The following FRY variants were observed in gnomAD, a reference collection of about 807,000 sequenced individuals.
FRY encodes FRY microtubule binding protein, also known as protein furry homolog.
A neutral mutation model predicts 348.4 loss-of-function variants in FRY; 128 were observed. The observed-to-expected ratio is 0.37, with a 90% CI of 0.32 to 0.43. FRY has a LOEUF of 0.43. Ranked by LOEUF, FRY falls within the 20% of genes least tolerant of loss-of-function variation. The pLI, the probability that FRY is intolerant of heterozygous loss-of-function variation, is 1.00. For synonymous variants in FRY, 1,370 were observed against 1,374.7 expected, an observed-to-expected ratio of 1.00 and a Z score of 0.08; for missense variants, 2,736 against 3,695.2, an observed-to-expected ratio of 0.74 and a Z score of 6.73.
At chr13:32,065,697 C>G (rs1406412355) in intron 1 of FRY, among the ~76,000 whole-genome samples, 1 of 152,056 alleles carries the variant, frequency 6.6e-6, no homozygotes, top group Non-Finnish European at 1.5e-5. Flanking sequence ...AATTCCTGGG[C>G]TCAAGCGATC....
intron 34 of FRY, among the ~76,000 whole-genome samples, chr13:32,211,498 G>A (rs1884684740): frequency 6.6e-6 from 1 of 152,076 alleles, no homozygotes; most frequent in South Asian, 2.1e-4. Context: ...GGATCATAGG[G>A]TTAATGAAAT....
chr13:32,212,788 A>T (rs78177879), intron 35 of FRY, among the ~76,000 whole-genome samples: 4,108 of 152,300 alleles, frequency 0.027, 70 homozygotes, highest in Non-Finnish European at 0.034. Context: ...CATGATTATT[A>T]TTATTTTACT....
intron 3 of FRY, among the ~76,000 whole-genome samples, chr13:32,110,440 G>T (rs925248907): frequency 6.6e-6 from 1 of 152,098 alleles, no homozygotes; most frequent in African/African-American, 2.4e-5. Flanking sequence ...CGTGATGAGC[G>T]TGGGCCTGGG....
At chr13:32,058,688 T>C (rs1873771886) in intron 1 of FRY, among the ~76,000 whole-genome samples, 1 of 152,178 alleles carries the variant, frequency 6.6e-6, no homozygotes, top group South Asian at 2.1e-4. Context: ...GAACATGGGC[T>C]TCAAGTGGGG....
intron 34 of FRY, among the ~76,000 whole-genome samples, 169 bp downstream of exon 34, chr13:32,211,203 C>T (rs2073994): frequency 0.22 from 33,363 of 152,228 alleles, 4,306 homozygotes; most frequent in East Asian, 0.54. Flanking sequence ...GGCGTGGTGA[C>T]TCACGCCTGT....
At chr13:32,155,450 T>C (rs1236471926) in intron 14 of FRY, 41 bp from the exon 15 acceptor site, 3 of 1,444,908 alleles carry the variant, frequency 2.1e-6, no homozygotes, top group African/African-American at 1.4e-5. Context: ...ACTACAATAA[T>C]TGGGCCTTTC....
At chr13:32,110,099 A>G (rs977368613) in intron 3 of FRY, among the ~76,000 whole-genome samples, 2 of 152,206 alleles carry the variant, frequency 1.3e-5, no homozygotes, top group Admixed American at 1.3e-4. Context: ...ATGGCTATTC[A>G]TGGATGTGTA....
chr13:32,227,439 A>G (rs1796804288), intron 39 of FRY, among the ~76,000 whole-genome samples: 2 of 152,190 alleles, frequency 1.3e-5, no homozygotes, highest in Non-Finnish European at 2.9e-5. Context: ...CTTCTAATTC[A>G]GTATATCTAT....
chr13:32,126,810 G>A (rs1879050423), intron 7 of FRY, among the ~76,000 whole-genome samples: 1 of 152,178 alleles, frequency 6.6e-6, no homozygotes, highest in Non-Finnish European at 1.5e-5. Flanking sequence ...TTCCCAGGGT[G>A]GGAGAAAGAA....
At chr13:32,290,837 A>G (rs1889305316) in intron 59 of FRY, among the ~76,000 whole-genome samples, 1 of 152,040 alleles carries the variant, frequency 6.6e-6, no homozygotes, top group Non-Finnish European at 1.5e-5. Context: ...AAGGAGAAAG[A>G]AGAGTTGAGG....
chr13:32,084,157 C>T (rs1875698094), intron 2 of FRY, among the ~76,000 whole-genome samples: 1 of 152,136 alleles, frequency 6.6e-6, no homozygotes, highest in Non-Finnish European at 1.5e-5. Flanking sequence ...GCTTTCCATG[C>T]AGATAGAGCC....
intron 2 of FRY, chr13:32,085,760 A>T: frequency 4.8e-6 from 2 of 420,054 alleles, no homozygotes; most frequent in South Asian, 1.8e-5. Flanking sequence ...GTTCACGCAA[A>T]CATAATGGAG....
rs1311045866 is a variant in FRY at position 32,297,507 on chromosome 13, A to G, written c.*2047A>G. 1.4e-5 allele frequency: 2 copies of G among 148,132 alleles called. No individual in the cohort carries two copies. The highest frequency in any genetic ancestry group is 3.0e-5 in the Non-Finnish European group (2 of 67,230). The allele number at this position is 148,132 out of a possible 1,614,324, so 9.2% of individuals were successfully genotyped here. On this transcript the variant is annotated 3_prime_UTR_variant, in exon 61 of 61. Coordinates refer to ENST00000542859, the MANE Select transcript of FRY (RefSeq NM_023037.3). ...TGGTTTACTCTTAAAAAGGGAAGGA[A>G]AAAAAAAAAGGATTTCAACAGTACA...
intron 30 of FRY, 114 bp downstream of exon 30, chr13:32,202,154 C>A: frequency 1.2e-6 from 1 of 828,056 alleles, no homozygotes; most frequent in Non-Finnish European, 2.1e-6. Context: ...TTCTGCATAT[C>A]ATTTGTGGCT....
chr13:32,077,391 C>G (rs1243403553), intron 1 of FRY, among the ~76,000 whole-genome samples: 2 of 152,010 alleles, frequency 1.3e-5, no homozygotes, highest in Non-Finnish European at 2.9e-5. Context: ...GGATAGGATG[C>G]GGCCAGGGGG....
In FRY at chr13:32,171,201, C is replaced by A; in HGVS notation, c.2082C>A (p.Thr694=). The A allele has an allele frequency of 1.2e-6, 2 of 1,612,882 alleles. No homozygotes were observed. Among genetic ancestry groups the A allele is most frequent in the Non-Finnish European group, 1.7e-6 (2 of 1,179,064 alleles). The change falls in exon 18 of 61, where the codon ACC becomes ACA. Residue 694 remains threonine (T), a synonymous_variant. Coordinates refer to ENST00000542859, the MANE Select transcript of FRY (RefSeq NM_023037.3). ...TGAAGTTGCTGCTGCAGCTGCTCAC[C>A]CAGTGGAAACTAGTCATCCAGACAC... ...SSLKLLLQLL[T]QWKLVIQTQG...
chr13:32,134,892 T>A lies in FRY; in HGVS notation c.886-12T>A, dbSNP rs1287984581. 6.4e-7 allele frequency: 1 copy of A among 1,558,670 alleles called. No individual in the cohort carries two copies. Among genetic ancestry groups the A allele is most frequent in the African/African-American group, 1.4e-5 (1 of 73,908 alleles). On this transcript the variant is annotated splice_polypyrimidine_tract_variant and intron_variant, in intron 8 of 60. Transcript: ENST00000542859. Reference sequence around the variant, plus strand: ...CTACTCTCCCTCCCTATACTCTTTTTCTGCTTCCCAGGAATGTGCACATTA... The same window carrying A: ...CTACTCTCCCTCCCTATACTCTTTTACTGCTTCCCAGGAATGTGCACATTA...
chr13:32,047,586 G>GA (rs1304293084), intron 1 of FRY, among the ~76,000 whole-genome samples: 6 of 148,654 alleles, frequency 4.0e-5, no homozygotes, highest in Non-Finnish European at 7.5e-5. Flanking sequence ...TTTTTTGGGG[G>GA]GGGTGCAGAG....
intron 3 of FRY, among the ~76,000 whole-genome samples, chr13:32,114,373 G>T (rs1878166952): frequency 6.6e-6 from 1 of 152,142 alleles, no homozygotes. Flanking sequence ...TTTTTTAGTG[G>T]TTTACTATAA....
Sources: gnomAD v4.1 joint callset for allele counts (sites outside exome capture counted in the v4.1 genomes callset) on GRCh38, gnomAD v4.1.1 for gene constraint, MANE v1.5 for transcripts, NCBI Gene and HGNC (gene_info 2026-07-23, HGNC 2026-07-21) for gene names.